The following UXT variants were observed in gnomAD, a reference collection of about 807,000 sequenced individuals.
UXT encodes ubiquitously expressed prefoldin like chaperone.
For synonymous variants in UXT, 54 were observed against 52.8 expected, an observed-to-expected ratio of 1.02 and a Z score of -0.10; for missense variants, 111 against 132.7, an observed-to-expected ratio of 0.84 and a Z score of 0.80.
At chrX:47,654,092 A>G (rs1017740099) in intron 4 of UXT, 7 of 753,502 alleles carry the variant, frequency 9.3e-6, no homozygotes, top group Non-Finnish European at 1.1e-5. Context: ...ACCAAATGCT[A>G]GCTGTAACAC....
intron 1 of UXT, among the ~76,000 whole-genome samples, 169 bp downstream of exon 2, chrX:47,658,661 G>A (rs749450498): frequency 2.7e-5 from 3 of 112,431 alleles, no homozygotes; most frequent in African/African-American, 6.5e-5. Flanking sequence ...TGAACGCCAC[G>A]TCCCAGCCAA....
intron 4 of UXT, among the ~76,000 whole-genome samples, chrX:47,653,872 T>C (rs1057055384): frequency 9.0e-6 from 1 of 111,659 alleles, no homozygotes; most frequent in African/African-American, 3.3e-5. Context: ...GGACAGGAAA[T>C]AAATGAAGTA....
At chrX:47,657,757 T>C (rs776461237) in intron 2 of UXT, 25 bp downstream of exon 3, 15 of 1,194,879 alleles carry the variant, frequency 1.3e-5, no homozygotes, top group Non-Finnish European at 1.6e-5. Context: ...ACCAAAAAAA[T>C]GGTACCCAAT....
chrX:47,657,383 G>A, intron 3 of UXT, 93 bp from the exon 5 acceptor site: 1 of 866,112 alleles, frequency 1.2e-6, no homozygotes, highest in Non-Finnish European at 1.6e-6. Flanking sequence ...CCAAATTGAG[G>A]CTCTGGGAAG....
At chrX:47,654,681 GTT>G (rs1486270459) in intron 4 of UXT, among the ~76,000 whole-genome samples, 5 of 111,966 alleles carry the variant, frequency 4.5e-5, no homozygotes, top group South Asian at 3.6e-4. Context: ...CAGAAAGTTA[GTT>G]CAAAGTATAT....
intron 1 of UXT, among the ~76,000 whole-genome samples, chrX:47,658,556 G>A (rs992765863): frequency 1.7e-4 from 19 of 112,076 alleles, no homozygotes; most frequent in Non-Finnish European, 3.2e-4. Flanking sequence ...AAGAATGGCC[G>A]AGCCAGGATT....
chrX:47,652,023 CCTT>C, intron 5 of UXT, 55 bp downstream of exon 6: 1 of 1,186,089 alleles, frequency 8.4e-7, no homozygotes. Context: ...TCGCTCTCTT[CCTT>C]CTTCAGGTCA....
chrX:47,653,324 C>T (rs1266275843), intron 4 of UXT, among the ~76,000 whole-genome samples: 1 of 112,071 alleles, frequency 8.9e-6, no homozygotes, highest in African/African-American at 3.3e-5. Context: ...ATATCTCCCA[C>T]ATTTTTATTT....
chrX:47,651,912 A>G lies in UXT; in HGVS notation c.457-17T>C. 3.3e-6 allele frequency: 4 copies of G among 1,209,560 alleles called. No homozygotes were observed. The highest frequency in any genetic ancestry group is 4.5e-6 in the Non-Finnish European group (4 of 894,215). Reference sequence around the variant, plus strand: ...TCTAAGCCCCTGAAAAAGAGGACAGAAGAGATTGAACAAAGACTGGGTCTG... The same window carrying G: ...TCTAAGCCCCTGAAAAAGAGGACAGGAGAGATTGAACAAAGACTGGGTCTG... On this transcript the variant is annotated splice_polypyrimidine_tract_variant and intron_variant, in intron 5 of 5. Transcript: ENST00000335890.
chrX:47,658,642 C>G (rs190563663), intron 1 of UXT, among the ~76,000 whole-genome samples, 188 bp downstream of exon 2: 1 of 112,581 alleles, frequency 8.9e-6, no homozygotes. Flanking sequence ...CGCTGACACG[C>G]CCCTGCTATG....
intron 2 of UXT, 49 bp from the exon 4 acceptor site, chrX:47,657,688 T>C (rs1310622825): frequency 8.4e-7 from 1 of 1,191,205 alleles, no homozygotes; most frequent in East Asian, 3.0e-5. Context: ...AACTCTTAGG[T>C]CAGGTGACAG....
chrX:47,657,610 C>G lies in UXT; in HGVS notation c.246G>C (p.Gln82His). The change falls in exon 3 of 6, where the codon CAG becomes CAC. Residue 82 changes from glutamine to histidine, a missense_variant. Coordinates refer to ENST00000335890, the MANE Select transcript of UXT (RefSeq NM_153477.3). ...CGAAGAAGTTACAGCCCAAATCCACCTGCATATATAACTCCGAGTGCTTAG... is the reference window on the plus strand; with the variant it reads ...CGAAGAAGTTACAGCCCAAATCCACGTGCATATATAACTCCGAGTGCTTAG... 1 of 1,210,554 alleles carries G rather than the reference C, an allele frequency of 8.3e-7. No homozygotes were observed. Among genetic ancestry groups the G allele is most frequent in the Middle Eastern group, 2.3e-4 (1 of 4,353 alleles).
Position 47,658,953 on chromosome X carries a change from G to A in UXT, c.11C>T (p.Pro4Leu), listed in dbSNP as rs1012927322. Residue 4 changes from proline (P) to leucine (L), a missense_variant, in exon 1 of 6, where the codon CCC becomes CTC. By Grantham distance (98) the Pro-to-Leu change is moderately conservative (BLOSUM62 -3). Transcript: ENST00000335890. ...GATGGGCTCCTGGGGAGTGGGGAGG[G>A]GGAAGACCATGTTGACCGATCCAGT... 16 of 1,209,145 alleles carry A rather than the reference G, an allele frequency of 1.3e-5. No individual in the cohort carries two copies. Among genetic ancestry groups the A allele is most frequent in the African/African-American group, 7.0e-5 (4 of 57,474 alleles).
chrX:47,652,824 G>A (rs1427615594), intron 4 of UXT, among the ~76,000 whole-genome samples: 1 of 111,953 alleles, frequency 8.9e-6, no homozygotes, highest in Non-Finnish European at 1.9e-5. Flanking sequence ...TAAGTGAGAT[G>A]GGAGCCAAGG....
intron 4 of UXT, among the ~76,000 whole-genome samples, chrX:47,655,008 C>T (rs1364594129): frequency 4.4e-5 from 5 of 112,434 alleles, no homozygotes; most frequent in Middle Eastern, 4.6e-3. Flanking sequence ...TAGCTGGGCG[C>T]GGTAGCTCAC....
intron 4 of UXT, among the ~76,000 whole-genome samples, chrX:47,656,923 T>C (rs1294728492): frequency 8.9e-6 from 1 of 112,467 alleles, no homozygotes; most frequent in African/African-American, 3.2e-5. Context: ...TGTTCACTGC[T>C]GCATTCCCAC....
At chrX:47,653,523 C>T (rs1374729913) in intron 4 of UXT, among the ~76,000 whole-genome samples, 1 of 111,617 alleles carries the variant, frequency 9.0e-6, no homozygotes, top group African/African-American at 3.3e-5. Flanking sequence ...AGTTGCTCAG[C>T]CAAAAACCTG....
rs757306862 is a variant in UXT, at chrX:47,659,138, G to A, written c.-175C>T. The stretch of plus-strand genomic sequence containing the variant: ...ACCTCAGGCCGCCAGCAATAAGAAC[G>A]GTTGGTAGGAACCGCGGCTTCCGGG... On this transcript the variant is annotated 5_prime_UTR_variant, in exon 1 of 6. Coordinates refer to ENST00000335890, the MANE Select transcript of UXT (RefSeq NM_153477.3). 5 of 732,812 alleles carry A rather than the reference G, an allele frequency of 6.8e-6. No individual in the cohort carries two copies. Among genetic ancestry groups the A allele is most frequent in the South Asian group, 2.3e-5 (1 of 44,068 alleles). The allele number at this position is 732,812 out of a possible 1,213,427, so 60.4% of individuals were successfully genotyped here.
At chrX:47,653,136 AG>A (rs1202730856) in intron 4 of UXT, among the ~76,000 whole-genome samples, 1 of 111,710 alleles carries the variant, frequency 9.0e-6, no homozygotes, top group Non-Finnish European at 1.9e-5. Context: ...TCCAAGAGAT[AG>A]GAAGAGGTTA....
Sources: allele counts gnomAD v4.1 joint callset (sites outside exome capture counted in the v4.1 genomes callset), GRCh38; gene constraint gnomAD v4.1.1; transcripts MANE v1.5; gene names NCBI Gene and HGNC (gene_info 2026-07-23, HGNC 2026-07-21).